LRRC49: variants seen among roughly 807,000 people sequenced by gnomAD.
LRRC49 encodes the protein leucine rich repeat containing 49.
In LRRC49, 50 loss-of-function variants were observed where a neutral mutation model predicts 83.3. That is an observed-to-expected ratio of 0.60 (90% CI 0.48 to 0.76). LRRC49 has a LOEUF of 0.76. Among genes scored for constraint, LRRC49 ranks in the 30% least tolerant of loss-of-function variants. The probability of loss-of-function intolerance (pLI) is 0.00; values close to 1 mark genes in which losing one functional copy is unlikely to be tolerated. For missense variants in LRRC49, 704 were observed against 809.1 expected, an observed-to-expected ratio of 0.87 and a Z score of 1.58; for synonymous variants, 286 against 283.3, an observed-to-expected ratio of 1.01 and a Z score of -0.10.
Position 70,942,368 on chromosome 15 carries a change from C to T in LRRC49, c.773+5546C>T, listed in dbSNP as rs532546644. On this transcript the variant is annotated intron_variant, in intron 8 of 15. Coordinates refer to ENST00000260382, the MANE Select transcript of LRRC49 (RefSeq NM_017691.5). Reference sequence around the variant, plus strand: ...ATACTGGGTGGTGTTCAGAAACAAACAAGTATGATAAATTGAGACCAACAT... The same window carrying T: ...ATACTGGGTGGTGTTCAGAAACAAATAAGTATGATAAATTGAGACCAACAT... Among the ~76,000 whole-genome samples the T allele has an allele frequency of 7.9e-5, 12 of 152,192 alleles. No homozygotes were observed. In the East Asian group the frequency reaches 2.1e-3, roughly 27 times the overall value.
intron 14 of LRRC49, 97 bp from the exon 15 acceptor site, chr15:71,037,082 A>G: frequency 1.2e-6 from 1 of 823,156 alleles, no homozygotes; most frequent in Non-Finnish European, 1.9e-6. Flanking sequence ...TATATATTCA[A>G]AAAAGTATAT....
Position 71,009,965 on chromosome 15 carries a change from C to A in LRRC49, c.1566C>A (p.Phe522Leu), listed in dbSNP as rs2038596420. The A allele has an allele frequency of 1.3e-6, 2 of 1,597,920 alleles. No homozygotes were observed. Residue 522 changes from phenylalanine to leucine, a missense_variant, in exon 13 of 16, where the codon TTC becomes TTA. This residue lies in a region of LRRC49 where 275 missense variants were observed against 338.0 expected (regional missense o/e 0.81). Transcript: ENST00000260382. The stretch of plus-strand genomic sequence containing the variant: ...ATGTACTGTTTAGGCTAAGCCATTT[C>A]AGTATGCAGAAAATAAATGGAACAG... ...KYYVLFRLSH[F>L]SMQKINGTEV...
At chr15:70,928,433 TA>T (rs2035289417) in intron 7 of LRRC49, among the ~76,000 whole-genome samples, 1 of 152,188 alleles carries the variant, frequency 6.6e-6, no homozygotes, top group Non-Finnish European at 1.5e-5. Context: ...AAGTGCTGAA[TA>T]AAATAGTTGT....
intron 7 of LRRC49, among the ~76,000 whole-genome samples, chr15:70,924,022 G>A (rs2035103004): frequency 1.3e-5 from 2 of 151,766 alleles, no homozygotes; most frequent in South Asian, 2.1e-4. Flanking sequence ...TCCCAATAAT[G>A]TTCTTTATAG....
At chr15:70,951,744 C>G (rs150464371) in intron 8 of LRRC49, among the ~76,000 whole-genome samples, 32 of 152,084 alleles carry the variant, frequency 2.1e-4, no homozygotes, top group South Asian at 1.5e-3. Context: ...AATTTAGATG[C>G]CTTTTATTTC....
chr15:71,040,258 G>A (rs915140027), intron 15 of LRRC49, among the ~76,000 whole-genome samples: 2 of 152,094 alleles, frequency 1.3e-5, no homozygotes, highest in Non-Finnish European at 2.9e-5. Flanking sequence ...TATGCTTGAT[G>A]GGGAAACTCT....
At chr15:70,893,873 T>C (rs1595988656) in intron 2 of LRRC49, among the ~76,000 whole-genome samples, 1 of 152,086 alleles carries the variant, frequency 6.6e-6, no homozygotes, top group Non-Finnish European at 1.5e-5. Context: ...TTTTTGTTTT[T>C]TTTTTTTGAC....
At chr15:71,025,578 A>G (rs752433440) in intron 14 of LRRC49, among the ~76,000 whole-genome samples, 13 of 152,198 alleles carry the variant, frequency 8.5e-5, no homozygotes, top group Non-Finnish European at 1.8e-4. Context: ...AGCTGGATAA[A>G]AAGTCAAGAC....
At chr15:70,890,874 C>G (rs758841161), upstream of LRRC49, among the ~76,000 whole-genome samples, 1 of 152,038 alleles carries the variant, frequency 6.6e-6, no homozygotes, top group Non-Finnish European at 1.5e-5. Context: ...GGACAGTGGC[C>G]TTGGTTAGGG....
At chr15:70,950,250 A>G (rs766288356) in intron 8 of LRRC49, among the ~76,000 whole-genome samples, 1 of 152,126 alleles carries the variant, frequency 6.6e-6, no homozygotes, top group Non-Finnish European at 1.5e-5. Flanking sequence ...GCTGTTGTAA[A>G]TAGTGCTGTG....
chr15:70,943,814 G>A (rs1201868088), intron 8 of LRRC49, among the ~76,000 whole-genome samples: 2 of 152,094 alleles, frequency 1.3e-5, no homozygotes, highest in Non-Finnish European at 2.9e-5. Flanking sequence ...TCTATCTATT[G>A]GGAGACTGCC....
chr15:70,890,142 C>T (rs1290095352), upstream of LRRC49, among the ~76,000 whole-genome samples: 2 of 152,102 alleles, frequency 1.3e-5, no homozygotes, highest in Non-Finnish European at 2.9e-5. Flanking sequence ...GTTTGACTAG[C>T]TTGGCTTTTC....
intron 8 of LRRC49, among the ~76,000 whole-genome samples, chr15:70,954,949 G>A (rs1205359081): frequency 1.3e-5 from 2 of 152,064 alleles, no homozygotes; most frequent in Non-Finnish European, 2.9e-5. Flanking sequence ...AGGGTGGGAG[G>A]TGCTCTGGTA....
intron 6 of LRRC49, among the ~76,000 whole-genome samples, chr15:70,914,452 G>A: frequency 6.6e-6 from 1 of 152,124 alleles, no homozygotes; most frequent in Non-Finnish European, 1.5e-5. Flanking sequence ...AAATGGATTG[G>A]GAAGTAGAGA....
intron 11 of LRRC49, among the ~76,000 whole-genome samples, chr15:70,998,967 T>C (rs574609693): frequency 1.6e-4 from 25 of 152,340 alleles, no homozygotes; most frequent in African/African-American, 4.8e-4. Context: ...AAATCTGCTG[T>C]TGAAACCCTC....
At chr15:70,878,742 T>C (rs2033203533) in intron 2 of LRRC49, among the ~76,000 whole-genome samples, 1 of 152,228 alleles carries the variant, frequency 6.6e-6, no homozygotes. Context: ...TCTCTTAATA[T>C]GGTGAATTAC....
intron 11 of LRRC49, among the ~76,000 whole-genome samples, chr15:71,002,691 T>A (rs568376839): frequency 6.6e-6 from 1 of 152,240 alleles, no homozygotes; most frequent in East Asian, 1.9e-4. Context: ...ATTATAGGAA[T>A]CAGCACCACT....
At chr15:71,020,301 A>C (rs2038954253) in intron 14 of LRRC49, among the ~76,000 whole-genome samples, 1 of 152,198 alleles carries the variant, frequency 6.6e-6, no homozygotes, top group Non-Finnish European at 1.5e-5. Flanking sequence ...AAGATAGAGT[A>C]TATGAGAAAG....
intron 6 of LRRC49, among the ~76,000 whole-genome samples, chr15:70,913,701 T>G (rs1291370086): frequency 6.6e-6 from 1 of 152,204 alleles, no homozygotes; most frequent in African/African-American, 2.4e-5. Context: ...TCCTGTATTT[T>G]AAAAACTGTT....
Sources: gnomAD v4.1 joint callset for allele counts (sites outside exome capture counted in the v4.1 genomes callset) on GRCh38, gnomAD v4.1.1 for gene constraint, gnomAD v4.1.1 regional missense constraint, MANE v1.5 for transcripts, NCBI Gene and HGNC (gene_info 2026-07-23, HGNC 2026-07-21) for gene names.